The following ANKRD24 variants were observed in gnomAD, a reference collection of about 807,000 sequenced individuals.
The protein encoded by ANKRD24 is ankyrin repeat domain 24.
ANKRD24 carries 109 observed loss-of-function variants against 127.8 expected under a neutral mutation model. That is an observed-to-expected ratio of 0.85 (90% CI 0.73 to 1.00). ANKRD24 has a LOEUF of 1.00. ANKRD24 is among the 50% of genes least tolerant of loss of function. The probability of loss-of-function intolerance (pLI) is 0.00; values close to 1 mark genes in which losing one functional copy is unlikely to be tolerated. For synonymous variants in ANKRD24, 743 were observed against 671.1 expected (o/e 1.11, Z -1.66); for missense variants, 1,648 against 1,570.2 (o/e 1.05, Z -0.84).
Position 4,217,624 on chromosome 19 carries a change from C to T in ANKRD24, c.2464C>T (p.Arg822Trp), listed in dbSNP as rs1383713036. The change falls in exon 18 of 22, where the codon CGG becomes TGG. Residue 822 changes from arginine (R) to tryptophan (W), a missense_variant. By Grantham distance (101) the Arg-to-Trp change is moderately radical. Coordinates refer to ENST00000318934, the MANE Select transcript of ANKRD24 (RefSeq NM_001393985.1). ...SACLDEARAS[R>W]LLAEEEARGL... ...CTGCCTGGATGAGGCTCGGGCCAGC[C>T]GGCTGCTGGCGGAGGAGGAGGCGCG... 5.4e-6 allele frequency: 7 copies of T among 1,285,990 alleles called. No individual in the cohort carries two copies. The South Asian group carries it at 1.4e-4, about 26-fold the overall frequency. The allele number at this position is 1,285,990 out of a possible 1,614,324, so 79.7% of individuals were successfully genotyped here. A position where few individuals can be genotyped will look rare whatever the true frequency, so the allele number is the denominator to read the frequency against.
Position 4,207,843 on chromosome 19 carries a change from G to A in ANKRD24, c.707G>A (p.Gly236Asp), listed in dbSNP as rs1394133295. The change falls in exon 10 of 22, where the codon GGC (glycine) becomes GAC (aspartate). Residue 236 changes from glycine to aspartate, a missense_variant. Gly to Asp is a moderately conservative substitution (Grantham distance 94). Transcript: ENST00000318934. ...GAAACAGTGGAGGTCCTGCTGCAGG[G>A]CGGAGCCCAGCCGGGCATCACCGAT... Reference protein sequence around the residue: ...SPETVEVLLQGGAQPGITDAL... With the variant: ...SPETVEVLLQDGAQPGITDAL... The A allele has an allele frequency of 6.4e-7, 1 of 1,569,060 alleles. No homozygotes were observed. The highest frequency in any genetic ancestry group is 8.6e-7 in the Non-Finnish European group (1 of 1,159,258).
chr19:4,189,952 A>G (rs1435043649), intron 2 of ANKRD24, among the ~76,000 whole-genome samples: 1 of 152,140 alleles, frequency 6.6e-6, no homozygotes, highest in Admixed American at 6.5e-5. Context: ...GATTGAAAAG[A>G]GAATGGGTGG....
At chr19:4,197,020 G>A (rs966149190) in intron 2 of ANKRD24, among the ~76,000 whole-genome samples, 1 of 152,170 alleles carries the variant, frequency 6.6e-6, no homozygotes, top group African/African-American at 2.4e-5. Context: ...CAGTTTTATG[G>A]TGCGCTTACT....
rs370963079 is a variant in ANKRD24, at chr19:4,207,871, G to A, written c.735G>A (p.Ala245=). The change falls in exon 10 of 22, where the codon GCG becomes GCA. Residue 245 remains alanine, a synonymous_variant. Transcript: ENST00000318934. ...QGGAQPGITD[A]LGQDAAHYGA... ...GAGCCCAGCCGGGCATCACCGATGC[G>A]CTGGGGCAGGACGCGGCTCACTATG... 151 of 1,559,878 alleles carry A rather than the reference G, an allele frequency of 9.7e-5. No homozygotes were observed. The highest frequency in any genetic ancestry group is 1.1e-4 in the Non-Finnish European group (124 of 1,154,926).
At chr19:4,194,963 C>CTGAT (rs529095561) in intron 2 of ANKRD24, among the ~76,000 whole-genome samples, 1 of 150,758 alleles carries the variant, frequency 6.6e-6, no homozygotes, top group African/African-American at 2.4e-5. Flanking sequence ...GGCATTTGCT[C>CTGAT]TGATTGATTG....
chr19:4,222,354 A>C (rs1555721226), intron 19 of ANKRD24, among the ~76,000 whole-genome samples: 1 of 152,204 alleles, frequency 6.6e-6, no homozygotes, highest in Non-Finnish European at 1.5e-5. Context: ...ACACCACTGC[A>C]CTCCAGCCTG....
At chr19:4,223,311 A>G (rs1970543368) in intron 20 of ANKRD24, among the ~76,000 whole-genome samples, 1 of 148,226 alleles carries the variant, frequency 6.7e-6, no homozygotes, top group Non-Finnish European at 1.5e-5. Context: ...CTCACTGAGC[A>G]GCCTCAAACT....
chr19:4,200,736 G>A (rs542869767), intron 5 of ANKRD24, among the ~76,000 whole-genome samples: 18 of 152,124 alleles, frequency 1.2e-4, no homozygotes, highest in Middle Eastern at 3.4e-3. Context: ...TGCCCAGGCC[G>A]GTCTTGAACT....
intron 10 of ANKRD24, 92 bp downstream of exon 10, chr19:4,208,060 C>T (rs180985811): frequency 6.4e-5 from 83 of 1,299,714 alleles, no homozygotes; most frequent in Middle Eastern, 1.9e-4. Context: ...AAGGTACCCC[C>T]GATTGGCTGC....
In ANKRD24 at chr19:4,182,696, A is replaced by C. The variant is rs187426670; in HGVS notation, c.-81A>C. On this transcript the variant is annotated 5_prime_UTR_variant, in exon 1 of 22. Coordinates refer to ENST00000318934, the MANE Select transcript of ANKRD24 (RefSeq NM_001393985.1). The stretch of plus-strand genomic sequence containing the variant: ...GCGCCTCTTGCTGACGCCGCAGGCG[A>C]CATGTTATCTGCTGTCAGAAGGAAG... 1.4e-6 allele frequency: 2 copies of C among 1,416,912 alleles called. No individual in the cohort carries two copies. The highest frequency in any genetic ancestry group is 3.0e-5 in the African/African-American group (2 of 67,062). 87.8% of individuals were successfully genotyped at this position (1,416,912 alleles called of 1,614,324 possible). A position where few individuals can be genotyped will look rare whatever the true frequency, so the allele number is the denominator to read the frequency against.
At chr19:4,209,069 G>A (rs538638796) in intron 11 of ANKRD24, 6 of 393,088 alleles carry the variant, frequency 1.5e-5, no homozygotes, top group Non-Finnish European at 2.8e-5. Flanking sequence ...TGGTGTCTTC[G>A]GGGAAGGAAG....
chr19:4,213,793 C>T (rs1048122078), intron 15 of ANKRD24, among the ~76,000 whole-genome samples: 11 of 152,104 alleles, frequency 7.2e-5, no homozygotes, highest in Middle Eastern at 3.2e-3. Context: ...CACCATCACA[C>T]CCGGCTAATT....
intron 2 of ANKRD24, among the ~76,000 whole-genome samples, chr19:4,187,216 G>A (rs1383896682): frequency 6.6e-6 from 1 of 151,936 alleles, no homozygotes; most frequent in Non-Finnish European, 1.5e-5. Context: ...AGTTCAAGAC[G>A]AGCCTGGCCA....
intron 4 of ANKRD24, 31 bp from the exon 5 acceptor site, chr19:4,200,052 T>C: frequency 6.4e-7 from 1 of 1,570,466 alleles, no homozygotes. Context: ...GGTGGCAACC[T>C]TGCGGCTGAA....
Position 4,222,754 on chromosome 19 carries a change from G to A in ANKRD24, c.3256G>A (p.Ala1086Thr). The A allele has an allele frequency of 6.2e-7, 1 of 1,611,504 alleles. No individual in the cohort carries two copies. The change falls in exon 20 of 22, where the codon GCT (alanine) becomes ACT (threonine). Residue 1086 changes from alanine (A) to threonine (T), a missense_variant. Physicochemically the swap from Ala to Thr is moderately conservative, Grantham distance 58. Coordinates refer to ENST00000318934, the MANE Select transcript of ANKRD24 (RefSeq NM_001393985.1). ...PAALATPEVE[A>T]LRDQVKDLQQ... ...CGCCCTCGCCACCCCTGAGGTGGAG[G>A]CTCTCCGTGACCAGGTGAAGGATTT... is the stretch of plus-strand genomic sequence containing the variant.
intron 20 of ANKRD24, among the ~76,000 whole-genome samples, chr19:4,223,368 CATACAT>C (rs1468458955): frequency 1.2e-5 from 1 of 80,832 alleles, no homozygotes; most frequent in African/African-American, 6.7e-5. Context: ...AGTGCCTGGC[CATACAT>C]ATATATATAT....
chr19:4,209,009 A>G (rs989723173), intron 11 of ANKRD24: 1 of 450,816 alleles, frequency 2.2e-6, no homozygotes, highest in African/African-American at 2.1e-5. Context: ...GATGGGGCCA[A>G]ATTATGGGGC....
intron 1 of ANKRD24, among the ~76,000 whole-genome samples, chr19:4,184,361 C>T (rs1322357608): frequency 2.6e-5 from 4 of 152,184 alleles, no homozygotes; most frequent in Admixed American, 2.6e-4. Flanking sequence ...CCTTATGGCC[C>T]CAGGCCCCTG....
Position 4,210,268 on chromosome 19 carries a change from G to A in ANKRD24, c.955G>A (p.Asp319Asn). The change falls in exon 13 of 22, where the codon GAT becomes AAT. Residue 319 changes from aspartate to asparagine, a missense_variant. Asp to Asn is a conservative substitution (Grantham distance 23). Transcript: ENST00000318934. The part of the protein sequence containing the change: ...PPPASIPMPD[D>N]RDAYEEIVRL... ...GCCGTGGTGGGGAGGGGAACAGGATGATCGAGATGCCTATGAGGAGATCGT... is the reference window on the plus strand; with the variant it reads ...GCCGTGGTGGGGAGGGGAACAGGATAATCGAGATGCCTATGAGGAGATCGT... 1 of 1,583,592 alleles carries A rather than the reference G, an allele frequency of 6.3e-7. No individual in the cohort carries two copies. Among genetic ancestry groups the A allele is most frequent in the Non-Finnish European group, 8.6e-7 (1 of 1,165,262 alleles).
Sources: gnomAD v4.1 joint callset for allele counts (sites outside exome capture counted in the v4.1 genomes callset) on GRCh38, gnomAD v4.1.1 for gene constraint, MANE v1.5 for transcripts, NCBI Gene and HGNC (gene_info 2026-07-23, HGNC 2026-07-21) for gene names.